BEND4: variants seen among roughly 807,000 people sequenced by gnomAD.
BEND4 encodes the protein BEN domain-containing protein 4.
In BEND4, 27 loss-of-function variants were observed where a neutral mutation model predicts 54.7. The observed-to-expected ratio is 0.49, with a 90% CI of 0.36 to 0.68. The LOEUF (loss-of-function observed/expected upper bound fraction) is 0.68. Ranked by LOEUF, BEND4 falls within the 30% of genes least tolerant of loss-of-function variation. The pLI, the probability that BEND4 is intolerant of heterozygous loss-of-function variation, is 0.00. For synonymous variants in BEND4, 327 were observed against 299.5 expected (o/e 1.09, Z -0.95); for missense variants, 702 against 697.2 (o/e 1.01, Z -0.08).
intron 4 of BEND4, 25 bp from the exon 5 acceptor site, chr4:42,120,319 T>A: frequency 6.3e-7 from 1 of 1,588,124 alleles, no homozygotes; most frequent in Non-Finnish European, 8.6e-7. Flanking sequence ...TATTTTCTCA[T>A]TACCCACCGA....
intron 3 of BEND4, among the ~76,000 whole-genome samples, chr4:42,140,949 G>T (rs186745592): frequency 2.0e-5 from 3 of 152,290 alleles, no homozygotes; most frequent in Middle Eastern, 3.4e-3. Flanking sequence ...GGCAGTGGGG[G>T]TGACAACAGA....
At chr4:42,122,349 G>GA in intron 4 of BEND4, among the ~76,000 whole-genome samples, 1 of 152,224 alleles carries the variant, frequency 6.6e-6, no homozygotes, top group South Asian at 2.1e-4. Flanking sequence ...TCTCCCACCA[G>GA]AAAAAAAGCT....
At chr4:42,118,051 A>G (rs755302563) in intron 5 of BEND4, among the ~76,000 whole-genome samples, 2 of 152,182 alleles carry the variant, frequency 1.3e-5, no homozygotes, top group Non-Finnish European at 2.9e-5. Flanking sequence ...GTGTAAGTCA[A>G]GGAGACAGAT....
chr4:42,130,041 A>T (rs1243359999), intron 3 of BEND4, among the ~76,000 whole-genome samples: 2 of 152,252 alleles, frequency 1.3e-5, no homozygotes, highest in African/African-American at 2.4e-5. Flanking sequence ...AGGAACTTAA[A>T]CAAATTCATA....
chr4:42,146,608 GTTCTT>G (rs1420924513), intron 2 of BEND4, among the ~76,000 whole-genome samples: 1 of 152,122 alleles, frequency 6.6e-6, no homozygotes, highest in Non-Finnish European at 1.5e-5. Context: ...CCTGGTTTCT[GTTCTT>G]TTATTAGTAA....
chr4:42,129,561 G>C lies in BEND4; in HGVS notation c.1055-3887C>G, dbSNP rs1270669261. ...AACAGACACACAGACCAATGGAACA[G>C]AACAGAGAACTCAAATAAGACTGCA... On this transcript the variant is annotated intron_variant, in intron 3 of 5. Coordinates refer to ENST00000502486, the MANE Select transcript of BEND4 (RefSeq NM_207406.4). Among the ~76,000 whole-genome samples, 6 of 152,274 alleles carry C rather than the reference G, an allele frequency of 3.9e-5. No individual in the cohort carries two copies. The East Asian group carries it at 7.7e-4, about 20-fold the overall frequency.
At chr4:42,133,341 C>A (rs896528682) in intron 3 of BEND4, among the ~76,000 whole-genome samples, 64 of 152,256 alleles carry the variant, frequency 4.2e-4, no homozygotes, top group Admixed American at 9.8e-4. Flanking sequence ...AAACGAAAGC[C>A]CCCAGGGATG....
intron 3 of BEND4, among the ~76,000 whole-genome samples, chr4:42,136,681 T>G (rs1260640524): frequency 1.3e-5 from 2 of 152,238 alleles, no homozygotes; most frequent in Non-Finnish European, 2.9e-5. Context: ...TTTTGTATTT[T>G]TGTGACTTTT....
chr4:42,145,928 A>G (rs1721066913), intron 2 of BEND4, among the ~76,000 whole-genome samples: 1 of 152,186 alleles, frequency 6.6e-6, no homozygotes, highest in African/African-American at 2.4e-5. Flanking sequence ...TACATACATA[A>G]GAGCATCTTA....
chr4:42,117,751 C>T lies in BEND4; in HGVS notation c.1388-16G>A, dbSNP rs747068562. ...CTAATGAATTCTGCAGGAATATATA[C>T]AACATCAAAAAGAGAGAGAGAAAAA... On this transcript the variant is annotated splice_polypyrimidine_tract_variant and intron_variant, in intron 5 of 5. Coordinates refer to ENST00000502486, the MANE Select transcript of BEND4 (RefSeq NM_207406.4). The T allele has an allele frequency of 1.3e-6, 2 of 1,531,446 alleles. No homozygotes were observed. Among genetic ancestry groups the T allele is most frequent in the Non-Finnish European group, 1.8e-6 (2 of 1,125,206 alleles). The allele number at this position is 1,531,446 out of a possible 1,614,324, so 94.9% of individuals were successfully genotyped here. A position where few individuals can be genotyped will look rare whatever the true frequency, so the allele number is the denominator to read the frequency against.
chr4:42,120,437 T>C, intron 4 of BEND4, 143 bp from the exon 5 acceptor site: 1 of 1,043,138 alleles, frequency 9.6e-7, no homozygotes. Context: ...CGCAAATAAT[T>C]GCTCAGACTT....
At chr4:42,132,722 G>C (rs150285187) in intron 3 of BEND4, among the ~76,000 whole-genome samples, 1,895 of 152,250 alleles carry the variant, frequency 0.012, 20 homozygotes, top group African/African-American at 0.028. Context: ...TAGGATTACA[G>C]GTGTGAGCCA....
At chr4:42,128,085 C>T (rs763582600) in intron 3 of BEND4, among the ~76,000 whole-genome samples, 11 of 151,920 alleles carry the variant, frequency 7.2e-5, no homozygotes, top group Non-Finnish European at 1.3e-4. Context: ...CACTTGAGTC[C>T]AGCATTTCAG....
At chr4:42,118,097 G>A (rs1353364407) in intron 5 of BEND4, among the ~76,000 whole-genome samples, 3 of 152,158 alleles carry the variant, frequency 2.0e-5, no homozygotes, top group Non-Finnish European at 4.4e-5. Context: ...CACATTTTGA[G>A]AATGTTACTA....
chr4:42,133,699 C>T (rs1696694261), intron 3 of BEND4, among the ~76,000 whole-genome samples: 1 of 151,914 alleles, frequency 6.6e-6, no homozygotes, highest in African/African-American at 2.4e-5. Context: ...ACTAAAAATA[C>T]AAAAAATTAG....
intron 3 of BEND4, among the ~76,000 whole-genome samples, chr4:42,135,644 G>A (rs1720672097): frequency 6.6e-6 from 1 of 152,002 alleles, no homozygotes; most frequent in Non-Finnish European, 1.5e-5. Flanking sequence ...GCGTGGTGAG[G>A]GGCGCCTGTA....
At chr4:42,138,998 CT>C (rs1424366139) in intron 3 of BEND4, among the ~76,000 whole-genome samples, 3 of 152,000 alleles carry the variant, frequency 2.0e-5, no homozygotes, top group Non-Finnish European at 4.4e-5. Flanking sequence ...TATATTTGCC[CT>C]CTTTTATGAG....
intron 3 of BEND4, among the ~76,000 whole-genome samples, chr4:42,142,975 T>C (rs1035633296): frequency 6.6e-6 from 1 of 152,262 alleles, no homozygotes; most frequent in Non-Finnish European, 1.5e-5. Context: ...GTATTTCACT[T>C]TAATTTCTAT....
At chr4:42,138,820 T>A (rs1472136468) in intron 3 of BEND4, among the ~76,000 whole-genome samples, 1 of 152,216 alleles carries the variant, frequency 6.6e-6, no homozygotes, top group African/African-American at 2.4e-5. Context: ...TTAGCAAAAA[T>A]TACTATATTT....
Sources: allele counts gnomAD v4.1 joint callset (sites outside exome capture counted in the v4.1 genomes callset), GRCh38; gene constraint gnomAD v4.1.1; transcripts MANE v1.5; gene names NCBI Gene and HGNC (gene_info 2026-07-23, HGNC 2026-07-21).